Variants in SDK1 observed in about 807,000 individuals in gnomAD.
SDK1 encodes the protein sidekick cell adhesion molecule 1, also known as protein sidekick-1.
SDK1 carries 157 observed loss-of-function variants against 245.5 expected under a neutral mutation model. The observed-to-expected ratio is 0.64, with a 90% CI of 0.56 to 0.73. SDK1 has a LOEUF of 0.73. SDK1 is among the 30% of genes least tolerant of loss of function. The pLI, the probability that SDK1 is intolerant of heterozygous loss-of-function variation, is 0.00. For missense variants in SDK1, 3,583 were observed against 3,002.3 expected (o/e 1.19, Z -4.52); for synonymous variants, 1,647 against 1,278.5 (o/e 1.29, Z -6.15).
At chr7:3,594,431 G>C (rs1780985909) in intron 1 of SDK1, among the ~76,000 whole-genome samples, 1 of 152,160 alleles carries the variant, frequency 6.6e-6, no homozygotes, top group Non-Finnish European at 1.5e-5. Flanking sequence ...ACAAGTTTTT[G>C]TGTGGATGTA....
intron 14 of SDK1, among the ~76,000 whole-genome samples, chr7:3,997,969 T>A (rs1784805994): frequency 6.6e-6 from 1 of 151,924 alleles, no homozygotes; most frequent in Admixed American, 6.5e-5. Flanking sequence ...GGGCAGGGGG[T>A]CTTCCTGGGT....
chr7:3,558,459 A>T lies in SDK1; in HGVS notation c.299-60621A>T, dbSNP rs79003227. On this transcript the variant is annotated intron_variant, in intron 1 of 44. Coordinates refer to ENST00000404826, the MANE Select transcript of SDK1 (RefSeq NM_152744.4). ...CTTCTGTATTCCAGGATTTGTTTGA[A>T]AAGATCATAGAGAAGATTAGAATTA... 1.2e-3 allele frequency among the ~76,000 whole-genome samples: 179 copies of T among 152,342 alleles called. 3 individuals carry two copies. Among genetic ancestry groups the T allele is most frequent in the African/African-American group, 4.2e-3 (174 of 41,580 alleles).
intron 1 of SDK1, among the ~76,000 whole-genome samples, chr7:3,304,301 G>T (rs148244023): frequency 2.6e-5 from 4 of 152,304 alleles, no homozygotes; most frequent in Admixed American, 6.5e-5. Flanking sequence ...ATTCTGGAAG[G>T]CAGGTGGCAA....
At chr7:4,012,649 A>G (rs915713647) in intron 16 of SDK1, among the ~76,000 whole-genome samples, 11 of 131,810 alleles carry the variant, frequency 8.3e-5, no homozygotes, top group Admixed American at 3.8e-4. Context: ...TCTTGGCTCA[A>G]TGCAACTTCC....
intron 14 of SDK1, among the ~76,000 whole-genome samples, chr7:3,998,858 T>C (rs1354458155): frequency 1.3e-5 from 2 of 152,156 alleles, no homozygotes; most frequent in Non-Finnish European, 2.9e-5. Context: ...TCTGGGTGAA[T>C]GTGGGAGCTT....
chr7:3,649,005 C>G (rs1782929323), intron 4 of SDK1, among the ~76,000 whole-genome samples: 1 of 152,232 alleles, frequency 6.6e-6, no homozygotes. Context: ...CCCTCTCTTT[C>G]TTCCTTCATG....
chr7:4,161,181 A>T (rs748694369), intron 31 of SDK1, among the ~76,000 whole-genome samples: 4 of 152,190 alleles, frequency 2.6e-5, no homozygotes, highest in Admixed American at 6.5e-5. Context: ...CAAGAAGTTT[A>T]GTTTGGCTAG....
intron 1 of SDK1, among the ~76,000 whole-genome samples, chr7:3,373,664 A>G (rs1781283996): frequency 6.6e-6 from 1 of 151,322 alleles, no homozygotes. Context: ...GCGATACTTT[A>G]CTTGGCACTA....
Position 4,108,390 on chromosome 7 carries a change from C to T in SDK1, c.3325-2273C>T, listed in dbSNP as rs547347287. ...CTCTGAAGTGAGGATTTGAGGGTTTCGATGGCTACCCCAGTGCTGAGAACT... is the reference window on the plus strand; with the variant it reads ...CTCTGAAGTGAGGATTTGAGGGTTTTGATGGCTACCCCAGTGCTGAGAACT... On this transcript the variant is annotated intron_variant, in intron 22 of 44. Transcript: ENST00000404826. Among the ~76,000 whole-genome samples, 255 of 151,992 alleles carry T rather than the reference C, an allele frequency of 1.7e-3. 2 individuals carry two copies. Among genetic ancestry groups the T allele is most frequent in the Non-Finnish European group, 1.4e-3 (93 of 67,924 alleles).
chr7:3,595,791 G>T (rs1157576015), intron 1 of SDK1, among the ~76,000 whole-genome samples: 2 of 116,740 alleles, frequency 1.7e-5, no homozygotes, highest in Admixed American at 1.2e-4. Context: ...TAGTGCCACT[G>T]CACTCCAGCC....
At chr7:3,836,521 G>A (rs1307760850) in intron 5 of SDK1, among the ~76,000 whole-genome samples, 3 of 152,136 alleles carry the variant, frequency 2.0e-5, no homozygotes, top group African/African-American at 7.2e-5. Context: ...CAGAGCTTTG[G>A]TTGGTGGAAA....
chr7:3,431,297 C>T (rs1182973835), intron 1 of SDK1, among the ~76,000 whole-genome samples: 2 of 151,796 alleles, frequency 1.3e-5, no homozygotes, highest in African/African-American at 4.8e-5. Flanking sequence ...TCATAAAGTG[C>T]CACCAAAGAG....
intron 1 of SDK1, among the ~76,000 whole-genome samples, chr7:3,371,174 C>G (rs1029537850): frequency 6.6e-6 from 1 of 152,086 alleles, no homozygotes; most frequent in Middle Eastern, 3.2e-3. Context: ...ACGTTACTAG[C>G]CAGGCTCAGA....
chr7:3,621,658 C>T (rs894490819), intron 2 of SDK1, among the ~76,000 whole-genome samples: 3 of 152,154 alleles, frequency 2.0e-5, no homozygotes, highest in Admixed American at 6.5e-5. Flanking sequence ...TTCTCTTTTC[C>T]GACCACCTGT....
chr7:3,956,677 C>T (rs1781289241), intron 7 of SDK1, among the ~76,000 whole-genome samples: 2 of 152,238 alleles, frequency 1.3e-5, no homozygotes, highest in African/African-American at 4.8e-5. Context: ...TTGCCCATGC[C>T]ACAGTACTAT....
intron 4 of SDK1, among the ~76,000 whole-genome samples, chr7:3,696,015 C>G (rs1192086826): frequency 6.6e-6 from 1 of 152,126 alleles, no homozygotes; most frequent in African/African-American, 2.4e-5. Flanking sequence ...TTCCCTGTTT[C>G]CTCCTTCGTT....
At chr7:3,923,968 C>T (rs1443948536) in intron 5 of SDK1, among the ~76,000 whole-genome samples, 2 of 152,036 alleles carry the variant, frequency 1.3e-5, no homozygotes, top group East Asian at 1.9e-4. Flanking sequence ...TGTGGGTGGT[C>T]GTGATTTTGA....
At chr7:3,506,971 G>T (rs1239521547) in intron 1 of SDK1, among the ~76,000 whole-genome samples, 7 of 151,840 alleles carry the variant, frequency 4.6e-5, no homozygotes, top group Non-Finnish European at 8.8e-5. Flanking sequence ...CCTTTAGAGG[G>T]TATTTGTTTT....
At chr7:3,317,147 T>C (rs1466825610) in intron 1 of SDK1, among the ~76,000 whole-genome samples, 3 of 121,036 alleles carry the variant, frequency 2.5e-5, no homozygotes, top group African/African-American at 3.4e-5. Context: ...CACCACTGCA[T>C]TCCAACCTGG....
Sources: gnomAD v4.1 joint callset for allele counts (sites outside exome capture counted in the v4.1 genomes callset) on GRCh38, gnomAD v4.1.1 for gene constraint, MANE v1.5 for transcripts, NCBI Gene and HGNC (gene_info 2026-07-23, HGNC 2026-07-21) for gene names.